The following GDAP1 variants were observed in gnomAD, a reference collection of about 807,000 sequenced individuals.
GDAP1 encodes the protein ganglioside induced differentiation associated protein 1.
GDAP1 carries 34 observed loss-of-function variants against 40.1 expected under a neutral mutation model. That is an observed-to-expected ratio of 0.85 (90% CI 0.64 to 1.13). The LOEUF (loss-of-function observed/expected upper bound fraction) is 1.13. Among genes scored for constraint, GDAP1 ranks in the 50% most tolerant of loss-of-function variants. GDAP1 has a pLI of 0.00. For missense variants in GDAP1, 374 were observed against 433.7 expected, an observed-to-expected ratio of 0.86 and a Z score of 1.22; for synonymous variants, 170 against 157.4, an observed-to-expected ratio of 1.08 and a Z score of -0.60.
intron 2 of GDAP1, among the ~76,000 whole-genome samples, chr8:74,398,911 G>A (rs939763395): frequency 6.6e-6 from 1 of 152,118 alleles, no homozygotes; most frequent in Non-Finnish European, 1.5e-5. Flanking sequence ...ACTTGATCAT[G>A]GTGGATAAGC....
intron 2 of GDAP1, among the ~76,000 whole-genome samples, chr8:74,398,392 A>G (rs1371615858): frequency 6.6e-6 from 1 of 151,532 alleles, no homozygotes; most frequent in Non-Finnish European, 1.5e-5. Context: ...TGAATACGGC[A>G]CACTTGTATC....
intron 2 of GDAP1, among the ~76,000 whole-genome samples, chr8:74,378,823 G>C (rs1318012482): frequency 1.3e-5 from 2 of 152,080 alleles, no homozygotes; most frequent in African/African-American, 2.4e-5. Context: ...ATTTCATACT[G>C]AACAACCACA....
downstream of GDAP1, among the ~76,000 whole-genome samples, chr8:74,370,715 G>T (rs951347838): frequency 1.2e-4 from 18 of 151,852 alleles, no homozygotes; most frequent in Non-Finnish European, 1.9e-4. Flanking sequence ...GATCAGATAA[G>T]AATGCAAGAC....
chr8:74,475,659 G>A (rs538881231), intron 2 of GDAP1, among the ~76,000 whole-genome samples: 4 of 152,194 alleles, frequency 2.6e-5, no homozygotes, highest in African/African-American at 7.2e-5. Context: ...TTGTTGGTAT[G>A]ATCTTGCTTC....
intron 2 of GDAP1, among the ~76,000 whole-genome samples, chr8:74,388,699 T>C (rs1245502342): frequency 6.6e-6 from 1 of 152,218 alleles, no homozygotes. Context: ...TTAGGTCCAC[T>C]TGGTCCAAGT....
At chr8:74,387,393 G>C (rs186797675) in intron 2 of GDAP1, among the ~76,000 whole-genome samples, 3 of 152,094 alleles carry the variant, frequency 2.0e-5, no homozygotes, top group Non-Finnish European at 2.9e-5. Context: ...AGCATGAAGC[G>C]GTGTTGAATT....
At chr8:74,363,915 C>T in intron 5 of GDAP1, 70 bp from the exon 6 acceptor site, 1 of 1,340,422 alleles carries the variant, frequency 7.5e-7, no homozygotes, top group Non-Finnish European at 1.1e-6. Flanking sequence ...AGGGTGAGAC[C>T]ACTGATACCA....
intron 2 of GDAP1, among the ~76,000 whole-genome samples, chr8:74,479,670 C>T (rs978840305): frequency 2.2e-4 from 33 of 152,206 alleles, no homozygotes; most frequent in African/African-American, 8.0e-4. Context: ...CTCAGCTAAT[C>T]CTGCTAGGTT....
At chr8:74,387,816 T>C (rs1240277892) in intron 2 of GDAP1, among the ~76,000 whole-genome samples, 1 of 152,146 alleles carries the variant, frequency 6.6e-6, no homozygotes, top group Non-Finnish European at 1.5e-5. Context: ...GGTTCTGGGC[T>C]TTTTTTGTTT....
At chr8:74,411,709 G>A (rs10086234) in intron 2 of GDAP1, among the ~76,000 whole-genome samples, 145,486 of 145,508 alleles carry the variant, frequency 1, 72,733 homozygotes, top group Non-Finnish European at 1. Context: ...TAGTGAGATC[G>A]TGTCTCTACC....
chr8:74,478,829 G>A lies in GDAP1; in HGVS notation c.166-9849G>A, dbSNP rs192999965. ...AGGGGTCTCCTCCTGCCAGGATGCC[G>A]GAGGACTATGGTGAGAGCGGTTGCT... On this transcript the variant is annotated intron_variant, in intron 2 of 2. Transcript: ENST00000523640. Among the ~76,000 whole-genome samples, 52 of 152,264 alleles carry A rather than the reference G, an allele frequency of 3.4e-4. No individual in the cohort carries two copies. The East Asian group carries it at 6.2e-3, about 18-fold the overall frequency.
Position 74,484,417 on chromosome 8 carries a change from A to T in GDAP1, c.166-4261A>T, listed in dbSNP as rs181982046. On this transcript the variant is annotated intron_variant, in intron 2 of 2. Transcript: ENST00000523640. ...ATTGCATTTGTAACAGCATTCCATT[A>T]TGTATTCATTCTTTGTTCTAAGGAT... Among the ~76,000 whole-genome samples the T allele has an allele frequency of 1.4e-4, 21 of 152,324 alleles. No homozygotes were observed. The East Asian group carries it at 4.0e-3, about 29-fold the overall frequency.
At chr8:74,424,438 T>A (rs1412322964) in intron 2 of GDAP1, among the ~76,000 whole-genome samples, 1 of 152,154 alleles carries the variant, frequency 6.6e-6, no homozygotes, top group Non-Finnish European at 1.5e-5. Flanking sequence ...TGTCCTTTAA[T>A]GTAAATTCCA....
At chr8:74,396,585 T>C (rs1457680523) in intron 2 of GDAP1, among the ~76,000 whole-genome samples, 1 of 148,908 alleles carries the variant, frequency 6.7e-6, no homozygotes, top group Admixed American at 6.7e-5. Flanking sequence ...AATTCCCACC[T>C]ATGAGTGAGA....
At chr8:74,483,207 T>G (rs145413842) in intron 2 of GDAP1, among the ~76,000 whole-genome samples, 14 of 152,256 alleles carry the variant, frequency 9.2e-5, no homozygotes, top group Non-Finnish European at 1.9e-4. Context: ...AGCTAAGGCC[T>G]TGAGGAATAG....
intron 2 of GDAP1, among the ~76,000 whole-genome samples, chr8:74,471,139 G>A (rs1318909795): frequency 1.3e-5 from 2 of 151,982 alleles, no homozygotes; most frequent in African/African-American, 2.4e-5. Context: ...TGTAGATTCT[G>A]GATATTAGCC....
At chr8:74,353,707 T>C (rs1278638851) in intron 2 of GDAP1, among the ~76,000 whole-genome samples, 2 of 152,240 alleles carry the variant, frequency 1.3e-5, no homozygotes, top group Non-Finnish European at 2.9e-5. Flanking sequence ...TAGAGCTCTC[T>C]GCAGACCTAT....
chr8:74,409,714 C>G (rs1048829406), intron 2 of GDAP1, among the ~76,000 whole-genome samples: 2 of 150,036 alleles, frequency 1.3e-5, no homozygotes, highest in Admixed American at 6.6e-5. Context: ...GGAATTGAAA[C>G]TTACCAGGTT....
At chr8:74,419,796 T>A (rs894374339) in intron 2 of GDAP1, among the ~76,000 whole-genome samples, 1 of 152,202 alleles carries the variant, frequency 6.6e-6, no homozygotes, top group African/African-American at 2.4e-5. Context: ...TCAGCTTTTA[T>A]ACTTAGGGCA....
Sources: gnomAD v4.1 joint callset for allele counts (sites outside exome capture counted in the v4.1 genomes callset) on GRCh38, gnomAD v4.1.1 for gene constraint, MANE v1.5 for transcripts, NCBI Gene and HGNC (gene_info 2026-07-23, HGNC 2026-07-21) for gene names.